Variants in NUP210L observed in about 807,000 individuals in gnomAD.
NUP210L encodes nuclear pore membrane glycoprotein 210-like.
Under a neutral mutation model 208.5 loss-of-function variants are expected in NUP210L, and 74 were observed. The observed-to-expected ratio is 0.35, with a 90% CI of 0.29 to 0.43. The LOEUF is 0.43. Among genes scored for constraint, NUP210L ranks in the 20% least tolerant of loss-of-function variants. The pLI is 1.00. For missense variants in NUP210L, 1,843 were observed against 2,289.4 expected (o/e 0.81, Z 3.98); for synonymous variants, 780 against 816.9 (o/e 0.95, Z 0.77).
intron 25 of NUP210L, among the ~76,000 whole-genome samples, chr1:154,050,572 T>C (rs1041549874): frequency 3.3e-5 from 5 of 152,178 alleles, no homozygotes; most frequent in African/African-American, 9.7e-5. Flanking sequence ...TTGCTACCTA[T>C]GATAGGAAAT....
chr1:153,997,375 A>T (rs1381049014), intron 37 of NUP210L, among the ~76,000 whole-genome samples: 1 of 151,610 alleles, frequency 6.6e-6, no homozygotes, highest in Non-Finnish European at 1.5e-5. Context: ...ACCTGACCTC[A>T]GGTGATCTGC....
At chr1:153,997,468 T>G (rs974767693) in intron 37 of NUP210L, among the ~76,000 whole-genome samples, 23 of 58,824 alleles carry the variant, frequency 3.9e-4, no homozygotes, top group African/African-American at 8.3e-4. Flanking sequence ...TTCTTTTCTG[T>G]TTTTTTTTTT....
intron 27 of NUP210L, among the ~76,000 whole-genome samples, chr1:154,035,861 G>A (rs1396822830): frequency 6.6e-6 from 1 of 152,008 alleles, no homozygotes; most frequent in Non-Finnish European, 1.5e-5. Context: ...AGCCTTCCAA[G>A]TAGCTGAGAT....
chr1:154,032,387 A>G (rs923543990), intron 27 of NUP210L, among the ~76,000 whole-genome samples: 1 of 152,188 alleles, frequency 6.6e-6, no homozygotes, highest in African/African-American at 2.4e-5. Flanking sequence ...TCTTTCAGAT[A>G]TAAGCCATTT....
chr1:154,089,609 C>T lies in NUP210L; in HGVS notation c.2188-15G>A, dbSNP rs970546132. ...AATGTGAGAACCTTTAAGGAAGTCA[C>T]AGAGCAAGAGATAATTGTGGGTAGA... On this transcript the variant is annotated splice_polypyrimidine_tract_variant and intron_variant, in intron 15 of 39. Transcript: ENST00000368559. 5.0e-6 allele frequency: 8 copies of T among 1,611,244 alleles called. No individual in the cohort carries two copies. Among genetic ancestry groups the T allele is most frequent in the Non-Finnish European group, 6.8e-6 (8 of 1,177,672 alleles).
At chr1:154,080,052 A>C (rs1323318161) in intron 16 of NUP210L, 1 of 152,250 alleles carries the variant, frequency 6.6e-6, no homozygotes, top group Non-Finnish European at 1.5e-5. Context: ...GTACACTAGA[A>C]AATGTCTAAC....
chr1:154,038,337 CTTTTTTT>C lies in NUP210L; in HGVS notation c.3696+7725_3696+7731del, dbSNP rs993828789. On this transcript the variant is annotated intron_variant, in intron 27 of 39. Coordinates refer to ENST00000368559, the Ensembl canonical transcript of NUP210L. ...TGTAGAGACAGGGTTTTTTCTTTTT[CTTTTTTT>C]TTTTTTTTTATTTTTGAGATGGAGT... Among the ~76,000 whole-genome samples, 24 of 134,654 alleles carry C rather than the reference CTTTTTTT, an allele frequency of 1.8e-4. No individual in the cohort carries two copies. In the South Asian group the frequency reaches 3.4e-3, roughly 19 times the overall value. 88.3% of individuals were successfully genotyped at this position (134,654 alleles called of 152,430 possible).
At chr1:154,028,758 C>T (rs1296392327) in intron 28 of NUP210L, among the ~76,000 whole-genome samples, 1 of 151,206 alleles carries the variant, frequency 6.6e-6, no homozygotes, top group Non-Finnish European at 1.5e-5. Context: ...TTTTTTTTTC[C>T]AGACTACTCA....
intron 33 of NUP210L, among the ~76,000 whole-genome samples, chr1:154,014,454 T>C (rs1032035969): frequency 6.6e-6 from 1 of 152,206 alleles, no homozygotes; most frequent in Non-Finnish European, 1.5e-5. Context: ...ATGCTACCTC[T>C]GTCCTTGAAC....
chr1:154,032,461 A>T (rs1487467801), intron 27 of NUP210L, among the ~76,000 whole-genome samples: 1 of 150,836 alleles, frequency 6.6e-6, no homozygotes, highest in African/African-American at 2.4e-5. Context: ...AATGATGTTG[A>T]GCACCTTTTC....
chr1:154,058,006 G>C, intron 22 of NUP210L, 83 bp downstream of exon 22: 1 of 1,427,252 alleles, frequency 7.0e-7, no homozygotes, highest in South Asian at 1.2e-5. Context: ...AATAATCTAA[G>C]GTAAGGGAAA....
At chr1:154,053,866 C>G (rs565811716) in intron 25 of NUP210L, among the ~76,000 whole-genome samples, 160 of 152,298 alleles carry the variant, frequency 1.1e-3, no homozygotes, top group South Asian at 5.8e-3. Context: ...TTTAATTCCT[C>G]TAGTGCTGCT....
intron 16 of NUP210L, among the ~76,000 whole-genome samples, chr1:154,070,712 A>G (rs1174361841): frequency 6.6e-6 from 1 of 152,114 alleles, no homozygotes; most frequent in East Asian, 1.9e-4. Context: ...CTCACCTTCC[A>G]TATATGGCTG....
At chr1:154,054,564 T>C (rs1188323975) in intron 24 of NUP210L, among the ~76,000 whole-genome samples, 157 bp from the exon 25 acceptor site, 1 of 152,220 alleles carries the variant, frequency 6.6e-6, no homozygotes, top group Admixed American at 6.5e-5. Flanking sequence ...ATGGAAGTAC[T>C]GCAAATGATC....
chr1:154,027,595 C>T (rs758713103), exon 29 of NUP210L: 1 of 1,607,626 alleles, frequency 6.2e-7, no homozygotes, highest in African/African-American at 1.3e-5. Flanking sequence ...GTTTTTCAAA[C>T]ACCTATAATG....
In NUP210L at chr1:153,993,105, GA is replaced by G. The variant is rs760109269; in HGVS notation, c.5492-17del. ...GCATTGTATGCTGGAAAAAGGACAG[GA>G]AATGTCACAAGGCATATCTGAGGAA... On this transcript the variant is annotated splice_polypyrimidine_tract_variant and intron_variant, in intron 38 of 39. Coordinates refer to ENST00000368559, the Ensembl canonical transcript of NUP210L. The G allele has an allele frequency of 2.5e-6, 4 of 1,602,140 alleles. No homozygotes were observed. The South Asian group carries it at 4.5e-5, about 18-fold the overall frequency.
At chr1:154,068,942 T>C (rs1321828244) in intron 17 of NUP210L, among the ~76,000 whole-genome samples, 1 of 152,004 alleles carries the variant, frequency 6.6e-6, no homozygotes, top group Non-Finnish European at 1.5e-5. Flanking sequence ...AACCTGCACA[T>C]TGTGCACATG....
intron 34 of NUP210L, 36 bp from the exon 35 acceptor site, chr1:154,010,157 T>C (rs771265138): frequency 6.3e-7 from 1 of 1,582,700 alleles, no homozygotes; most frequent in South Asian, 1.2e-5. Flanking sequence ...GCTTTGTCAC[T>C]AACAAGAATT....
In NUP210L at chr1:154,085,242, C is replaced by T. The variant is rs1005045224; in HGVS notation, c.2361+4179G>A. On this transcript the variant is annotated intron_variant, in intron 16 of 39. Transcript: ENST00000368559. The stretch of plus-strand genomic sequence containing the variant: ...GTGGGCGCCTGTAGTCCCAGCTACT[C>T]GGGAGGCTGAGGCGGGAGAATGGTG... Among the ~76,000 whole-genome samples, 3 of 149,504 alleles carry T rather than the reference C, an allele frequency of 2.0e-5. No homozygotes were observed. The South Asian group carries it at 6.4e-4, about 32-fold the overall frequency.
Sources: allele counts gnomAD v4.1 joint callset (sites outside exome capture counted in the v4.1 genomes callset), GRCh38; gene constraint gnomAD v4.1.1; transcripts MANE v1.5; gene names NCBI Gene and HGNC (gene_info 2026-07-23, HGNC 2026-07-21).